Variants in PTPRJ observed in about 807,000 individuals in gnomAD.
The protein encoded by PTPRJ is protein tyrosine phosphatase receptor type J, also known as receptor-type tyrosine-protein phosphatase eta.
PTPRJ carries 129 observed loss-of-function variants against 141.3 expected under a neutral mutation model. That is an observed-to-expected ratio of 0.91 (90% confidence interval 0.79 to 1.06). The LOEUF is 1.06. PTPRJ is among the 50% of genes least tolerant of loss of function. The pLI is 0.00. For synonymous variants in PTPRJ, 610 were observed against 640.5 expected (o/e 0.95, Z 0.72); for missense variants, 1,601 against 1,679.7 (o/e 0.95, Z 0.82).
intron 1 of PTPRJ, among the ~76,000 whole-genome samples, chr11:48,069,888 T>C (rs1398654218): frequency 6.6e-6 from 1 of 151,988 alleles, no homozygotes; most frequent in African/African-American, 2.4e-5. Flanking sequence ...AAACAGCTAA[T>C]GTCGTGGACT....
chr11:48,127,180 C>T (rs567340583), intron 6 of PTPRJ, among the ~76,000 whole-genome samples: 87 of 152,204 alleles, frequency 5.7e-4, no homozygotes, highest in Middle Eastern at 6.8e-3. Context: ...AGGTCAGCCT[C>T]CTGGGCCCAG....
At chr11:48,130,328 G>A in intron 7 of PTPRJ, 131 bp from the exon 8 acceptor site, 6 of 923,456 alleles carry the variant, frequency 6.5e-6, no homozygotes, top group South Asian at 1.8e-5. Context: ...TGTAGGTGAT[G>A]ATACAAAGAA....
intron 5 of PTPRJ, among the ~76,000 whole-genome samples, chr11:48,124,418 CTAGCG>C: frequency 1.3e-5 from 2 of 152,356 alleles, no homozygotes; most frequent in East Asian, 3.9e-4. Context: ...GATTTTCCTG[CTAGCG>C]GGAGGCCTTA....
intron 8 of PTPRJ, 33 bp from the exon 9 acceptor site, chr11:48,136,006 A>G: frequency 6.2e-7 from 1 of 1,600,738 alleles, no homozygotes; most frequent in Non-Finnish European, 8.5e-7. Flanking sequence ...TGATAGTAAC[A>G]GTTTTCCCTT....
At chr11:48,017,432 A>T (rs1353958044) in intron 1 of PTPRJ, among the ~76,000 whole-genome samples, 1 of 152,196 alleles carries the variant, frequency 6.6e-6, no homozygotes, top group Non-Finnish European at 1.5e-5. Flanking sequence ...GCCTCATGGG[A>T]TTAAAGAAAA....
chr11:48,053,256 T>C (rs1420911626), intron 1 of PTPRJ, among the ~76,000 whole-genome samples: 29 of 83,278 alleles, frequency 3.5e-4, no homozygotes, highest in Non-Finnish European at 5.3e-4. Flanking sequence ...ATATAATATA[T>C]ATAATATATT....
intron 3 of PTPRJ, among the ~76,000 whole-genome samples, chr11:48,115,785 A>C (rs1856550843): frequency 6.6e-6 from 1 of 152,194 alleles, no homozygotes. Context: ...AACAATTCAT[A>C]ATATGAGTGG....
chr11:48,131,070 ATTTTTTTTTTTTTTTTTTT>A (rs71045547), intron 8 of PTPRJ, among the ~76,000 whole-genome samples: 1 of 46,568 alleles, frequency 2.1e-5, no homozygotes, highest in African/African-American at 6.8e-5. Context: ...ATATATATAT[ATTTTTTTTTTTTTTTTTTT>A]TTTTTTTTGA....
chr11:47,997,063 A>G (rs887628530), intron 1 of PTPRJ, among the ~76,000 whole-genome samples: 2 of 152,322 alleles, frequency 1.3e-5, no homozygotes, highest in African/African-American at 2.4e-5. Context: ...CCTCCAGAAC[A>G]TGGTTTCTCC....
In PTPRJ at chr11:48,022,687, A is replaced by G. The variant is rs370686945; in HGVS notation, c.96+41679A>G. 1.8e-4 allele frequency among the ~76,000 whole-genome samples: 27 copies of G among 152,282 alleles called. No homozygotes were observed. The East Asian group carries it at 2.5e-3, about 14-fold the overall frequency. The stretch of plus-strand genomic sequence containing the variant: ...TGTGGTAAGGGGTGGATGTGGGGGT[A>G]GTGCCAAGACCAAGTGAAAGAGGCT... On this transcript the variant is annotated intron_variant, in intron 1 of 24. Transcript: ENST00000418331.
At chr11:47,996,759 G>A (rs1854347363) in intron 1 of PTPRJ, among the ~76,000 whole-genome samples, 1 of 152,218 alleles carries the variant, frequency 6.6e-6, no homozygotes. Flanking sequence ...AACAACTTTT[G>A]TCAGCCTCAG....
At chr11:48,110,495 G>A (rs1344630150) in intron 2 of PTPRJ, among the ~76,000 whole-genome samples, 2 of 152,130 alleles carry the variant, frequency 1.3e-5, no homozygotes, top group South Asian at 2.1e-4. Context: ...CACCACGCCC[G>A]GCCCCAATTT....
At chr11:48,068,024 T>G (rs1855131666) in intron 1 of PTPRJ, among the ~76,000 whole-genome samples, 1 of 152,206 alleles carries the variant, frequency 6.6e-6, no homozygotes, top group South Asian at 2.1e-4. Flanking sequence ...AGGGCAATAT[T>G]ACATTCAGAG....
intron 18 of PTPRJ, 71 bp downstream of exon 18, chr11:48,150,254 T>G: frequency 7.6e-7 from 1 of 1,307,724 alleles, no homozygotes; most frequent in Non-Finnish European, 1.1e-6. Context: ...GGGGAGTTGG[T>G]GGATGGGTGG....
At chr11:48,157,475 C>T (rs188969110) in intron 21 of PTPRJ, among the ~76,000 whole-genome samples, 2 of 152,294 alleles carry the variant, frequency 1.3e-5, no homozygotes, top group African/African-American at 4.8e-5. Flanking sequence ...GGATCTCAAA[C>T]TTTAGCATCC....
At chr11:48,073,792 C>A (rs984514110) in intron 1 of PTPRJ, among the ~76,000 whole-genome samples, 2 of 152,056 alleles carry the variant, frequency 1.3e-5, no homozygotes, top group Non-Finnish European at 2.9e-5. Flanking sequence ...TAAAAGTAAA[C>A]CCACGTAGCT....
At chr11:48,092,024 G>A (rs138931104) in intron 1 of PTPRJ, among the ~76,000 whole-genome samples, 1 of 151,658 alleles carries the variant, frequency 6.6e-6, no homozygotes, top group African/African-American at 2.4e-5. Flanking sequence ...GGCTGGGTGC[G>A]GTGGCTCATG....
intron 22 of PTPRJ, among the ~76,000 whole-genome samples, chr11:48,163,076 CT>C (rs1157323252): frequency 6.6e-6 from 1 of 152,096 alleles, no homozygotes; most frequent in Non-Finnish European, 1.5e-5. Context: ...GGGGATGGGG[CT>C]CATGCAGCTC....
In PTPRJ at chr11:48,001,809, T is replaced by G. The variant is rs1854507159; in HGVS notation, c.96+20801T>G. Among the ~76,000 whole-genome samples the G allele has an allele frequency of 2.0e-5, 3 of 152,280 alleles. No individual in the cohort carries two copies. In the South Asian group the frequency reaches 6.2e-4, roughly 32 times the overall value. On this transcript the variant is annotated intron_variant, in intron 1 of 24. Coordinates refer to ENST00000418331, the MANE Select transcript of PTPRJ (RefSeq NM_002843.4). ...GCTGCTTGCTGCCAGAGTCAGAGTG[T>G]TAGGTAGGACTTTATGAAATCATGC...
Sources: allele counts gnomAD v4.1 joint callset (sites outside exome capture counted in the v4.1 genomes callset), GRCh38; gene constraint gnomAD v4.1.1; transcripts MANE v1.5; gene names NCBI Gene and HGNC (gene_info 2026-07-23, HGNC 2026-07-21).